Variants in IPO11 observed in about 807,000 individuals in gnomAD.
IPO11 encodes the protein importin 11.
IPO11 carries 66 observed loss-of-function variants against 143.2 expected under a neutral mutation model. The ratio of observed to expected loss-of-function variants is 0.46; its 90% CI spans 0.38 to 0.57. The LOEUF (loss-of-function observed/expected upper bound fraction) is 0.57. Among genes scored for constraint, IPO11 ranks in the 20% least tolerant of loss-of-function variants. IPO11 has a pLI of 0.00. For missense variants in IPO11, 1,026 were observed against 1,141.0 expected, an observed-to-expected ratio of 0.90 and a Z score of 1.45; for synonymous variants, 385 against 377.8, an observed-to-expected ratio of 1.02 and a Z score of -0.22.
At chr5:62,439,811 C>T (rs986353489) in intron 2 of IPO11, among the ~76,000 whole-genome samples, 5 of 152,150 alleles carry the variant, frequency 3.3e-5, no homozygotes, top group African/African-American at 7.2e-5. Flanking sequence ...CCCCTATACT[C>T]GCTATCTAGG....
At chr5:62,418,237 C>G (rs1393289567) in intron 1 of IPO11, among the ~76,000 whole-genome samples, 1 of 151,754 alleles carries the variant, frequency 6.6e-6, no homozygotes, top group Non-Finnish European at 1.5e-5. Flanking sequence ...ACCATCTCGG[C>G]TCACTGCGAC....
At chr5:62,480,136 C>A (rs1241162174) in intron 9 of IPO11, among the ~76,000 whole-genome samples, 1 of 152,144 alleles carries the variant, frequency 6.6e-6, no homozygotes, top group Non-Finnish European at 1.5e-5. Flanking sequence ...AGGAAGGGAT[C>A]CAGTTTCAGC....
chr5:62,419,969 C>G (rs1407334251), intron 1 of IPO11, among the ~76,000 whole-genome samples: 1 of 152,112 alleles, frequency 6.6e-6, no homozygotes, highest in African/African-American at 2.4e-5. Context: ...GCATTGCTCT[C>G]TACCTCAGGT....
At chr5:62,472,795 C>T (rs1745828891) in intron 7 of IPO11, among the ~76,000 whole-genome samples, 3 of 152,116 alleles carry the variant, frequency 2.0e-5, no homozygotes, top group Admixed American at 6.5e-5. Context: ...TCCCAAAGTT[C>T]TGGGATTACA....
chr5:62,530,877 T>C lies in IPO11; in HGVS notation c.2089+92T>C. 6 of 943,828 alleles carry C rather than the reference T, an allele frequency of 6.4e-6. No homozygotes were observed. In the East Asian group the frequency reaches 1.5e-4, roughly 23 times the overall value. 58.5% of individuals were successfully genotyped at this position (943,828 alleles called of 1,614,324 possible). A position where few individuals can be genotyped will look rare whatever the true frequency, so the allele number is the denominator to read the frequency against. On this transcript the variant is annotated intron_variant, in intron 22 of 29. Transcript: ENST00000325324. ...TAATTTGGAGGCATTACAACAAAGT[T>C]GTAAGTTCAACTTCTAGTTTAGATT... is the stretch of plus-strand genomic sequence containing the variant.
intron 22 of IPO11, among the ~76,000 whole-genome samples, chr5:62,533,778 T>C (rs932219194): frequency 6.6e-6 from 1 of 152,024 alleles, no homozygotes; most frequent in African/African-American, 2.4e-5. Flanking sequence ...CTGGGCAACA[T>C]AGCAAGACCC....
intron 2 of IPO11, among the ~76,000 whole-genome samples, chr5:62,439,896 T>C (rs948554309): frequency 3.3e-5 from 5 of 152,182 alleles, no homozygotes; most frequent in Non-Finnish European, 5.9e-5. Context: ...CAGGCTTATG[T>C]TCTAGTCCTG....
At chr5:62,430,929 C>T (rs1743963398) in intron 1 of IPO11, among the ~76,000 whole-genome samples, 1 of 151,972 alleles carries the variant, frequency 6.6e-6, no homozygotes, top group Admixed American at 6.6e-5. Context: ...CCTCCCGCCT[C>T]AGCCTCCAAA....
intron 27 of IPO11, among the ~76,000 whole-genome samples, chr5:62,578,397 C>A (rs1054101769): frequency 1.3e-5 from 2 of 151,930 alleles, no homozygotes; most frequent in Admixed American, 6.6e-5. Flanking sequence ...GTATTTAACA[C>A]AACATAAATA....
intron 27 of IPO11, among the ~76,000 whole-genome samples, chr5:62,563,478 TGTAA>T (rs1364113525): frequency 1.3e-5 from 2 of 152,156 alleles, no homozygotes; most frequent in African/African-American, 4.8e-5. Context: ...TATAATATTA[TGTAA>T]GTGTGTGGTT....
chr5:62,456,366 AT>A (rs1272158137), intron 5 of IPO11, among the ~76,000 whole-genome samples: 1 of 152,144 alleles, frequency 6.6e-6, no homozygotes, highest in Admixed American at 6.5e-5. Flanking sequence ...TAAAATGGAC[AT>A]TAACCACTGT....
At position 62,436,386 on chromosome 5, in the gene IPO11, T is replaced by C. The variant is rs543087550; in HGVS notation, c.-6-888T>C. Among the ~76,000 whole-genome samples, 54 of 152,352 alleles carry C rather than the reference T, an allele frequency of 3.5e-4. 1 individual carries two copies. Among genetic ancestry groups the C allele is most frequent in the African/African-American group, 1.3e-3 (53 of 41,590 alleles). Reference sequence around the variant, plus strand: ...AGCCACTGTCACTAAGCTGTATCAATACAGTACAACGCTATTCCCTGTCAC... The same window carrying C: ...AGCCACTGTCACTAAGCTGTATCAACACAGTACAACGCTATTCCCTGTCAC... On this transcript the variant is annotated intron_variant, in intron 1 of 29. Coordinates refer to ENST00000325324, the MANE Select transcript of IPO11 (RefSeq NM_016338.5).
chr5:62,513,373 C>T (rs1415395472), intron 19 of IPO11, among the ~76,000 whole-genome samples: 7 of 145,694 alleles, frequency 4.8e-5, no homozygotes, highest in South Asian at 4.4e-4. Context: ...GAGCCCCCCA[C>T]CTCCCTCCCG....
chr5:62,440,837 C>T (rs941735389), intron 2 of IPO11, among the ~76,000 whole-genome samples: 3 of 151,856 alleles, frequency 2.0e-5, no homozygotes, highest in African/African-American at 4.8e-5. Flanking sequence ...GTGGTGCATG[C>T]CTGTAATCCC....
At position 62,537,981 on chromosome 5, in the gene IPO11, C is replaced by T. The variant is rs1742793738; in HGVS notation, c.2250+692C>T. On this transcript the variant is annotated intron_variant, in intron 24 of 29. Coordinates refer to ENST00000325324, the MANE Select transcript of IPO11 (RefSeq NM_016338.5). ...AGCACATGTATACATACGTAACAAA[C>T]CTGCACGTTGTGCACATGTACCCTG... Among the ~76,000 whole-genome samples, 3 of 151,960 alleles carry T rather than the reference C, an allele frequency of 2.0e-5. No individual in the cohort carries two copies. In the South Asian group the frequency reaches 6.2e-4, roughly 32 times the overall value.
At position 62,601,824 on chromosome 5, in the gene IPO11, A is replaced by C; in HGVS notation, c.2739A>C (p.Thr913=). 1 of 1,595,064 alleles carries C rather than the reference A, an allele frequency of 6.3e-7. No individual in the cohort carries two copies. The highest frequency in any genetic ancestry group is 8.5e-7 in the Non-Finnish European group (1 of 1,170,080). Residue 913 remains threonine (T), a synonymous_variant, in exon 29 of 30, where the codon ACA becomes ACC. Coordinates refer to ENST00000325324, the MANE Select transcript of IPO11 (RefSeq NM_016338.5). ...TAACAGAAGATGAAGAACCACCCAC[A>C]GAACAAGATAAGAGGAAAAAGATGG... is the stretch of plus-strand genomic sequence containing the variant. ...PKVTEDEEPP[T]EQDKRKKMLA...
chr5:62,454,889 A>G (rs555800508), intron 5 of IPO11, among the ~76,000 whole-genome samples: 1 of 152,334 alleles, frequency 6.6e-6, no homozygotes, highest in Non-Finnish European at 1.5e-5. Flanking sequence ...TCAGAGTGAT[A>G]TAGGGCAAAA....
chr5:62,553,910 G>A (rs769503648), intron 26 of IPO11, among the ~76,000 whole-genome samples: 1 of 151,840 alleles, frequency 6.6e-6, no homozygotes, highest in African/African-American at 2.4e-5. Flanking sequence ...CTACCACCCC[G>A]GCTGGCTATG....
intron 26 of IPO11, among the ~76,000 whole-genome samples, chr5:62,557,066 C>T (rs1743598324): frequency 6.6e-6 from 1 of 152,168 alleles, no homozygotes; most frequent in Admixed American, 6.5e-5. Context: ...TGGGTTTTCA[C>T]CTCAGTCGCC....
Sources: gnomAD v4.1 joint callset for allele counts (sites outside exome capture counted in the v4.1 genomes callset) on GRCh38, gnomAD v4.1.1 for gene constraint, MANE v1.5 for transcripts, NCBI Gene and HGNC (gene_info 2026-07-23, HGNC 2026-07-21) for gene names.